The following PCDH15 variants were observed in gnomAD, a reference collection of about 807,000 sequenced individuals.
PCDH15 encodes the protein protocadherin related 15.
A neutral mutation model predicts 178.5 loss-of-function variants in PCDH15; 129 were observed. The observed-to-expected ratio is 0.72, with a 90% CI of 0.63 to 0.84. PCDH15 has a LOEUF of 0.84. PCDH15 is among the 40% of genes least tolerant of loss of function. The probability of loss-of-function intolerance (pLI) is 0.00; values close to 1 mark genes in which losing one functional copy is unlikely to be tolerated. For synonymous variants in PCDH15, 800 were observed against 732.0 expected (o/e 1.09, Z -1.50); for missense variants, 2,230 against 2,099.9 (o/e 1.06, Z -1.21).
At chr10:53,859,783 C>T (rs1344934682) in intron 27 of PCDH15, among the ~76,000 whole-genome samples, 1 of 152,084 alleles carries the variant, frequency 6.6e-6, no homozygotes, top group Non-Finnish European at 1.5e-5. Flanking sequence ...ATCGGTCACA[C>T]TTTACAAATA....
At position 53,840,331 on chromosome 10, in the gene PCDH15, A is replaced by T. The variant is rs202117626; in HGVS notation, c.3972T>A (p.Asn1324Lys). The stretch of plus-strand genomic sequence containing the variant: ...CAAAAAGCACTTACTTAAAAAGCTC[A>T]TTTCTATCGATGGCTCTGTTGGTTT... ...DPQTNRAIDR[N>K]ELFKFLDGKL... Residue 1324 changes from asparagine to lysine, a missense_variant, in exon 29 of 38, where the codon AAT becomes AAA. Coordinates refer to ENST00000644397, the MANE Select transcript of PCDH15 (RefSeq NM_001384140.1). The T allele has an allele frequency of 1.2e-5, 19 of 1,613,922 alleles. No individual in the cohort carries two copies. The highest frequency in any genetic ancestry group is 1.6e-5 in the Non-Finnish European group (19 of 1,179,788).
intron 3 of PCDH15, among the ~76,000 whole-genome samples, chr10:54,873,189 G>A (rs988703246): frequency 5.3e-5 from 8 of 151,934 alleles, no homozygotes; most frequent in South Asian, 2.1e-4. Flanking sequence ...TTTATATATC[G>A]TAGGTTCTCA....
chr10:54,994,354 T>C (rs1839582276), intron 2 of PCDH15, among the ~76,000 whole-genome samples: 1 of 152,184 alleles, frequency 6.6e-6, no homozygotes, highest in Non-Finnish European at 1.5e-5. Context: ...TACTTTCAGA[T>C]GTCAAAAATA....
chr10:54,008,636 C>G (rs1046913880), intron 20 of PCDH15, among the ~76,000 whole-genome samples: 1 of 152,162 alleles, frequency 6.6e-6, no homozygotes, highest in Admixed American at 6.5e-5. Context: ...ATCAACCACA[C>G]CCTCATCAGA....
At chr10:54,697,511 GTGTGTATATATATATATA>G (rs967328925) in intron 1 of PCDH15, among the ~76,000 whole-genome samples, 2 of 130,100 alleles carry the variant, frequency 1.5e-5, no homozygotes, top group African/African-American at 6.4e-5. Flanking sequence ...TTATTGAAAT[GTGTGTATATATATATATA>G]TATATACCTC....
At chr10:54,862,303 A>C (rs1438412597) in intron 3 of PCDH15, among the ~76,000 whole-genome samples, 1 of 152,206 alleles carries the variant, frequency 6.6e-6, no homozygotes, top group Non-Finnish European at 1.5e-5. Flanking sequence ...AATTAAAATA[A>C]TTTGAAAGTT....
intron 2 of PCDH15, among the ~76,000 whole-genome samples, chr10:55,582,596 G>GTATATATATATATA (rs56817323): frequency 2.1e-4 from 19 of 90,286 alleles, no homozygotes; most frequent in African/African-American, 4.2e-4. Flanking sequence ...ATGTGTATGT[G>GTATATATATATATA]TATATATATA....
intron 2 of PCDH15, among the ~76,000 whole-genome samples, chr10:54,946,175 G>T (rs1249568119): frequency 6.6e-6 from 1 of 151,812 alleles, no homozygotes; most frequent in African/African-American, 2.4e-5. Flanking sequence ...AATGAAAGAT[G>T]AATTTCAAAA....
chr10:54,881,531 C>T (rs989505626), intron 3 of PCDH15, among the ~76,000 whole-genome samples: 1 of 151,836 alleles, frequency 6.6e-6, no homozygotes, highest in South Asian at 2.1e-4. Context: ...ACAAAAAGAC[C>T]TTTTGTTTTT....
intron 2 of PCDH15, among the ~76,000 whole-genome samples, chr10:55,058,916 G>T (rs1015102461): frequency 6.6e-6 from 1 of 152,158 alleles, no homozygotes; most frequent in African/African-American, 2.4e-5. Context: ...TCCCAGAGTA[G>T]CTTGTCTATG....
intron 2 of PCDH15, among the ~76,000 whole-genome samples, chr10:55,465,094 T>G (rs1839804289): frequency 1.3e-5 from 2 of 152,010 alleles, no homozygotes; most frequent in Admixed American, 1.3e-4. Context: ...AGCTGGTGTA[T>G]GAGTATTCTT....
At chr10:54,157,350 C>T (rs4935103) in intron 13 of PCDH15, among the ~76,000 whole-genome samples, 30,346 of 152,148 alleles carry the variant, frequency 0.2, 4,257 homozygotes, top group East Asian at 0.81. Flanking sequence ...GACTTCTGTG[C>T]ACCTGCAGGC....
chr10:55,189,253 G>T (rs1839879712), intron 1 of PCDH15, among the ~76,000 whole-genome samples: 1 of 151,770 alleles, frequency 6.6e-6, no homozygotes, highest in South Asian at 2.1e-4. Flanking sequence ...GCATTCATTT[G>T]CCTAGACTGT....
intron 11 of PCDH15, among the ~76,000 whole-genome samples, chr10:54,187,241 A>C (rs2048553637): frequency 1.3e-5 from 2 of 151,890 alleles, no homozygotes; most frequent in Non-Finnish European, 2.9e-5. Context: ...TTTATACCTT[A>C]ATTCTCTCAA....
chr10:54,439,240 ATAAACT>A (rs1334743511), intron 3 of PCDH15, among the ~76,000 whole-genome samples: 4 of 152,120 alleles, frequency 2.6e-5, no homozygotes, highest in Non-Finnish European at 4.4e-5. Flanking sequence ...ATGTGGCTAA[ATAAACT>A]TAAAGTTTAA....
chr10:55,542,092 G>A (rs771776980), intron 2 of PCDH15, among the ~76,000 whole-genome samples: 2 of 151,386 alleles, frequency 1.3e-5, no homozygotes, highest in Non-Finnish European at 3.0e-5. Flanking sequence ...AGACAAATAT[G>A]GAAGTACCTC....
At chr10:55,311,947 G>A (rs1461048438) in intron 1 of PCDH15, among the ~76,000 whole-genome samples, 8 of 152,112 alleles carry the variant, frequency 5.3e-5, no homozygotes, top group South Asian at 4.1e-4. Context: ...ATGATAAAGC[G>A]ATGAATCATC....
intron 13 of PCDH15, among the ~76,000 whole-genome samples, chr10:54,168,549 G>C (rs1328574262): frequency 6.6e-6 from 1 of 152,100 alleles, no homozygotes; most frequent in African/African-American, 2.4e-5. Flanking sequence ...GTTTCGTTCC[G>C]TGACTAGCCC....
chr10:54,187,206 T>G (rs1007325580), intron 11 of PCDH15, among the ~76,000 whole-genome samples: 1 of 151,974 alleles, frequency 6.6e-6, no homozygotes, highest in Admixed American at 6.6e-5. Flanking sequence ...TTCCTTTTGT[T>G]CAAATCTCAT....
Sources: gnomAD v4.1 joint callset for allele counts (sites outside exome capture counted in the v4.1 genomes callset) on GRCh38, gnomAD v4.1.1 for gene constraint, MANE v1.5 for transcripts, NCBI Gene and HGNC (gene_info 2026-07-23, HGNC 2026-07-21) for gene names.